The following ANKRD17 variants were observed in gnomAD, a reference collection of about 807,000 sequenced individuals.
ANKRD17 encodes the protein ankyrin repeat domain-containing protein 17.
ANKRD17 carries 19 observed loss-of-function variants against 229.7 expected under a neutral mutation model. The ratio of observed to expected loss-of-function variants is 0.08; its 90% CI spans 0.06 to 0.12. ANKRD17 has a LOEUF of 0.12. Ranked by LOEUF, ANKRD17 falls within the 10% of genes least tolerant of loss-of-function variation. The pLI is 1.00. For missense variants in ANKRD17, 2,176 were observed against 3,176.8 expected (o/e 0.68, Z 7.57); for synonymous variants, 1,112 against 1,146.1 (o/e 0.97, Z 0.60).
At chr4:73,129,286 T>G (rs1306577336) in intron 16 of ANKRD17, among the ~76,000 whole-genome samples, 1 of 152,158 alleles carries the variant, frequency 6.6e-6, no homozygotes, top group Non-Finnish European at 1.5e-5. Flanking sequence ...ATTCTGTAAG[T>G]TATCAACATG....
At chr4:73,090,348 T>C (rs111703999) in intron 29 of ANKRD17, among the ~76,000 whole-genome samples, 184 of 152,302 alleles carry the variant, frequency 1.2e-3, no homozygotes, top group African/African-American at 4.2e-3. Context: ...AGGCAGAGGT[T>C]GCGGTGAGCT....
chr4:73,171,587 A>G (rs1204684165), intron 2 of ANKRD17, among the ~76,000 whole-genome samples: 1 of 152,238 alleles, frequency 6.6e-6, no homozygotes, highest in Non-Finnish European at 1.5e-5. Context: ...CCAGGGACCA[A>G]TTCTGGAGAA....
At chr4:73,118,891 T>TG in intron 21 of ANKRD17, 41 bp from the exon 22 acceptor site, 2 of 1,557,442 alleles carry the variant, frequency 1.3e-6, no homozygotes, top group Non-Finnish European at 1.7e-6. Flanking sequence ...TTTTTTTTTT[T>TG]TTTTTTTTTT....
At chr4:73,165,563 C>T (rs920461775) in intron 2 of ANKRD17, among the ~76,000 whole-genome samples, 2 of 152,140 alleles carry the variant, frequency 1.3e-5, no homozygotes, top group African/African-American at 4.8e-5. Flanking sequence ...CTAAGGTTAC[C>T]CGTCCCTGAT....
At chr4:73,121,499 G>T in intron 19 of ANKRD17, 118 bp downstream of exon 19, 1 of 1,270,360 alleles carries the variant, frequency 7.9e-7, no homozygotes, top group South Asian at 1.3e-5. Flanking sequence ...CTAACACTTT[G>T]AATGCCAAAT....
chr4:73,094,002 A>C, intron 28 of ANKRD17, 77 bp downstream of exon 28: 1 of 1,394,984 alleles, frequency 7.2e-7, no homozygotes, highest in South Asian at 1.3e-5. Flanking sequence ...AGTTCCACTG[A>C]AAACTCATAT....
chr4:73,190,286 T>C (rs980761839), intron 1 of ANKRD17, among the ~76,000 whole-genome samples: 1 of 151,984 alleles, frequency 6.6e-6, no homozygotes, highest in Non-Finnish European at 1.5e-5. Context: ...GGAGAATCAC[T>C]TGAACCCGGG....
At chr4:73,148,483 C>T (rs1730581747) in intron 8 of ANKRD17, among the ~76,000 whole-genome samples, 1 of 152,122 alleles carries the variant, frequency 6.6e-6, no homozygotes, top group African/African-American at 2.4e-5. Context: ...GTATTCCGCC[C>T]CCAAAGGAAT....
intron 1 of ANKRD17, among the ~76,000 whole-genome samples, chr4:73,194,780 AC>A (rs1186494465): frequency 1.3e-5 from 2 of 152,014 alleles, no homozygotes; most frequent in Non-Finnish European, 2.9e-5. Context: ...GCAAAAATTA[AC>A]CTGAAATAAA....
At chr4:73,117,685 T>C (rs1422117450) in intron 22 of ANKRD17, among the ~76,000 whole-genome samples, 9 of 152,224 alleles carry the variant, frequency 5.9e-5, no homozygotes, top group Non-Finnish European at 2.9e-5. Context: ...TTAAAAATTT[T>C]CAACATTTTG....
intron 21 of ANKRD17, 84 bp downstream of exon 21, chr4:73,120,078 T>C: frequency 7.1e-7 from 1 of 1,404,958 alleles, no homozygotes; most frequent in Non-Finnish European, 1.0e-6. Flanking sequence ...ACATTTGATT[T>C]TTTAAATAGT....
chr4:73,200,403 C>A (rs1738498439), intron 1 of ANKRD17, among the ~76,000 whole-genome samples: 1 of 151,978 alleles, frequency 6.6e-6, no homozygotes, highest in Non-Finnish European at 1.5e-5. Flanking sequence ...GTAAGACGAG[C>A]CTGAGTAACA....
chr4:73,192,472 T>A (rs2149070548), intron 1 of ANKRD17, among the ~76,000 whole-genome samples: 1 of 152,162 alleles, frequency 6.6e-6, no homozygotes, highest in South Asian at 2.1e-4. Context: ...TAAACCCAAG[T>A]TATTAACAGT....
intron 27 of ANKRD17, among the ~76,000 whole-genome samples, chr4:73,095,050 T>A (rs1473577425): frequency 1.3e-5 from 2 of 151,972 alleles, no homozygotes; most frequent in African/African-American, 4.8e-5. Context: ...GGTGTGCACC[T>A]GTAATCCCAG....
At chr4:73,255,352 T>A (rs1327226547) in intron 1 of ANKRD17, among the ~76,000 whole-genome samples, 1 of 152,260 alleles carries the variant, frequency 6.6e-6, no homozygotes, top group Non-Finnish European at 1.5e-5. Context: ...TAAATTAAAG[T>A]TATCCTTTCA....
Position 73,158,094 on chromosome 4 carries a change from G to C in ANKRD17, c.705-1928C>G, listed in dbSNP as rs111724619. ...TGACAGAGTGAGACTCCATCTTGAAGGAAAGAAAGGAAGGAAAGAAGGAGA... is the reference window on the plus strand; with the variant it reads ...TGACAGAGTGAGACTCCATCTTGAACGAAAGAAAGGAAGGAAAGAAGGAGA... On this transcript the variant is annotated intron_variant, in intron 3 of 33. Transcript: ENST00000358602. Among the ~76,000 whole-genome samples the C allele has an allele frequency of 4.4e-5, 6 of 135,328 alleles. No individual in the cohort carries two copies. In the South Asian group the frequency reaches 1.4e-3, roughly 33 times the overall value. The allele number at this position is 135,328 out of a possible 152,430, so 88.8% of individuals were successfully genotyped here.
chr4:73,133,119 G>A (rs1373219262), intron 16 of ANKRD17, among the ~76,000 whole-genome samples: 3 of 151,784 alleles, frequency 2.0e-5, no homozygotes, highest in Non-Finnish European at 2.9e-5. Flanking sequence ...GCGTGATGGT[G>A]GGCGCCTGTA....
chr4:73,082,175 A>AG (rs1295374094), intron 30 of ANKRD17, among the ~76,000 whole-genome samples: 3 of 113,554 alleles, frequency 2.6e-5, no homozygotes, highest in East Asian at 5.2e-4. Flanking sequence ...AAAAAAAAAA[A>AG]GGGGGGCCAA....
intron 2 of ANKRD17, 100 bp from the exon 3 acceptor site, chr4:73,161,448 C>G: frequency 1.6e-6 from 2 of 1,212,422 alleles, no homozygotes; most frequent in South Asian, 1.5e-5. Flanking sequence ...AACAAATAAC[C>G]TCCAAATGGT....
Sources: gnomAD v4.1 joint callset for allele counts (sites outside exome capture counted in the v4.1 genomes callset) on GRCh38, gnomAD v4.1.1 for gene constraint, MANE v1.5 for transcripts, NCBI Gene and HGNC (gene_info 2026-07-23, HGNC 2026-07-21) for gene names.